Variants in SORCS2 observed in about 807,000 individuals in gnomAD.
The protein encoded by SORCS2 is sortilin related VPS10 domain containing receptor 2.
SORCS2 carries 100 observed loss-of-function variants against 141.6 expected under a neutral mutation model. The ratio of observed to expected loss-of-function variants is 0.71; its 90% CI spans 0.60 to 0.83. The LOEUF (loss-of-function observed/expected upper bound fraction) is 0.83, where lower values mean the gene tolerates loss of function less well. SORCS2 is among the 40% of genes least tolerant of loss of function. The probability of loss-of-function intolerance (pLI) is 0.00; values close to 1 mark genes in which losing one functional copy is unlikely to be tolerated. For missense variants in SORCS2, 1,646 were observed against 1,560.2 expected (o/e 1.05, Z -0.93); for synonymous variants, 789 against 676.9 (o/e 1.17, Z -2.57).
intron 22 of SORCS2, 68 bp downstream of exon 22, chr4:7,728,530 C>A (rs765884246): frequency 8.5e-6 from 10 of 1,172,658 alleles, no homozygotes; most frequent in Non-Finnish European, 1.1e-5. Flanking sequence ...AGCCCAAGGG[C>A]CCCGGGGTGC....
Position 7,740,541 on chromosome 4 carries a change from G to A in SORCS2, c.*277G>A, listed in dbSNP as rs1266971162. ...TGCCCCCCAGACCCCACACACGGCCGCCCCACGTGCTGTCGCTCAGCCCGA... is the reference window on the plus strand; with the variant it reads ...TGCCCCCCAGACCCCACACACGGCCACCCCACGTGCTGTCGCTCAGCCCGA... On this transcript the variant is annotated 3_prime_UTR_variant, in exon 27 of 27. Transcript: ENST00000507866. 13 of 501,942 alleles carry A rather than the reference G, an allele frequency of 2.6e-5. No homozygotes were observed. The highest frequency in any genetic ancestry group is 3.3e-5 in the Non-Finnish European group (9 of 274,670). The allele number at this position is 501,942 out of a possible 1,614,324, so 31.1% of individuals were successfully genotyped here. A position where few individuals can be genotyped will look rare whatever the true frequency, so the allele number is the denominator to read the frequency against.
chr4:7,734,937 G>A (rs1257912956), intron 25 of SORCS2, among the ~76,000 whole-genome samples: 1 of 152,216 alleles, frequency 6.6e-6, no homozygotes, highest in Non-Finnish European at 1.5e-5. Flanking sequence ...GAGGTGGCAA[G>A]AACAGTGTTT....
chr4:7,638,430 G>T lies in SORCS2; in HGVS notation c.751G>T (p.Glu251Ter). Residue 251 changes from glutamate (E) to a stop codon, truncating the protein, a stop_gained, in exon 4 of 27, where the codon GAA becomes TAA. Coordinates refer to ENST00000507866, the MANE Select transcript of SORCS2 (RefSeq NM_020777.3). LOFTEE classifies it high-confidence loss of function. ...FQKQPIPFFV[E>*]TLIFHPKEED... ...GAAGCAGCCCATTCCCTTCTTCGTGGAAACTCTGATTTTCCACCCTAAGGA... is the reference window on the plus strand; with the variant it reads ...GAAGCAGCCCATTCCCTTCTTCGTGTAAACTCTGATTTTCCACCCTAAGGA... 1 of 1,607,400 alleles carries T rather than the reference G, an allele frequency of 6.2e-7. No homozygotes were observed. The highest frequency in any genetic ancestry group is 1.1e-5 in the South Asian group (1 of 90,422).
chr4:7,455,698 G>A (rs1728862115), intron 2 of SORCS2, among the ~76,000 whole-genome samples: 2 of 151,424 alleles, frequency 1.3e-5, no homozygotes, highest in African/African-American at 4.9e-5. Context: ...TGCTGTGTTT[G>A]GGTCAGGAGC....
chr4:7,719,831 G>T (rs750776344), intron 18 of SORCS2, among the ~76,000 whole-genome samples: 27 of 152,230 alleles, frequency 1.8e-4, no homozygotes, highest in Non-Finnish European at 2.9e-4. Context: ...CACCGCCCAG[G>T]GGGCCGGGAC....
At chr4:7,284,148 C>A (rs1037509037) in intron 1 of SORCS2, among the ~76,000 whole-genome samples, 1 of 152,182 alleles carries the variant, frequency 6.6e-6, no homozygotes, top group Non-Finnish European at 1.5e-5. Flanking sequence ...ACCGCGCCCC[C>A]TTCACTCAAG....
intron 3 of SORCS2, among the ~76,000 whole-genome samples, chr4:7,547,645 C>T (rs2109618083): frequency 6.6e-6 from 1 of 152,338 alleles, no homozygotes; most frequent in East Asian, 1.9e-4. Context: ...ATCCTGCCTC[C>T]TTCCACCCAC....
intron 2 of SORCS2, among the ~76,000 whole-genome samples, chr4:7,516,123 C>G (rs186481533): frequency 6.6e-6 from 1 of 152,322 alleles, no homozygotes; most frequent in East Asian, 1.9e-4. Flanking sequence ...GGTACTCACT[C>G]CATGCTGGGC....
chr4:7,251,763 C>T (rs1012672935), intron 1 of SORCS2, among the ~76,000 whole-genome samples: 2 of 152,218 alleles, frequency 1.3e-5, no homozygotes, highest in Non-Finnish European at 2.9e-5. Flanking sequence ...TCCCAGAACC[C>T]CCACCATGTG....
At chr4:7,426,613 A>G (rs1726458827) in intron 2 of SORCS2, among the ~76,000 whole-genome samples, 1 of 152,144 alleles carries the variant, frequency 6.6e-6, no homozygotes, top group Admixed American at 6.5e-5. Flanking sequence ...CGATGGAAAT[A>G]GCACATGTAC....
At chr4:7,578,675 G>C (rs1245940950) in intron 3 of SORCS2, among the ~76,000 whole-genome samples, 5 of 152,184 alleles carry the variant, frequency 3.3e-5, no homozygotes, top group African/African-American at 1.2e-4. Flanking sequence ...GGCCGCCTGG[G>C]CTGCAGTTCC....
chr4:7,322,097 G>A (rs1334922561), intron 1 of SORCS2, among the ~76,000 whole-genome samples: 3 of 152,192 alleles, frequency 2.0e-5, no homozygotes, highest in Non-Finnish European at 2.9e-5. Context: ...GACAGGTGGG[G>A]TTTATAGCAG....
intron 2 of SORCS2, among the ~76,000 whole-genome samples, chr4:7,458,870 C>G (rs753629873): frequency 6.6e-6 from 1 of 152,084 alleles, no homozygotes; most frequent in Non-Finnish European, 1.5e-5. Context: ...AAGGAATGAG[C>G]AGAAGTTGGC....
chr4:7,652,351 G>C (rs1721498666), intron 4 of SORCS2, among the ~76,000 whole-genome samples: 1 of 152,164 alleles, frequency 6.6e-6, no homozygotes, highest in Non-Finnish European at 1.5e-5. Context: ...TCAAGGTCCT[G>C]TCTCTACCTG....
intron 1 of SORCS2, among the ~76,000 whole-genome samples, chr4:7,298,025 G>A (rs1427447035): frequency 6.6e-6 from 1 of 152,200 alleles, no homozygotes; most frequent in Non-Finnish European, 1.5e-5. Context: ...TTGTTTCTAG[G>A]GCCTGAGCCA....
chr4:7,583,142 G>A (rs1185645155), intron 3 of SORCS2, among the ~76,000 whole-genome samples: 1 of 152,180 alleles, frequency 6.6e-6, no homozygotes, highest in African/African-American at 2.4e-5. Context: ...TCTGTGGGAG[G>A]AAGTGAGGGT....
At chr4:7,459,070 C>G (rs1239920554) in intron 2 of SORCS2, among the ~76,000 whole-genome samples, 1 of 151,096 alleles carries the variant, frequency 6.6e-6, no homozygotes, top group Non-Finnish European at 1.5e-5. Flanking sequence ...CCCGATATTG[C>G]TCCCCTGGGC....
At chr4:7,637,096 C>T (rs115580116) in intron 3 of SORCS2, among the ~76,000 whole-genome samples, 1,999 of 152,322 alleles carry the variant, frequency 0.013, 43 homozygotes, top group African/African-American at 0.045. Flanking sequence ...ACCCTAAATC[C>T]AGATGGCTTC....
intron 3 of SORCS2, among the ~76,000 whole-genome samples, chr4:7,541,591 C>G (rs1425546400): frequency 6.6e-6 from 1 of 152,160 alleles, no homozygotes; most frequent in Non-Finnish European, 1.5e-5. Context: ...CTCGGGGGCG[C>G]CCAGGCAGCC....
Sources: allele counts gnomAD v4.1 joint callset (sites outside exome capture counted in the v4.1 genomes callset), GRCh38; gene constraint gnomAD v4.1.1; transcripts MANE v1.5; gene names NCBI Gene and HGNC (gene_info 2026-07-23, HGNC 2026-07-21).